The following CNTNAP2 variants were observed in gnomAD, a reference collection of about 807,000 sequenced individuals.
CNTNAP2 encodes the protein contactin associated protein 2, also known as contactin-associated protein-like 2.
A neutral mutation model predicts 155.2 loss-of-function variants in CNTNAP2; 98 were observed. The observed-to-expected ratio is 0.63, with a 90% CI of 0.54 to 0.75. The LOEUF (loss-of-function observed/expected upper bound fraction) is 0.75. CNTNAP2 is among the 30% of genes least tolerant of loss of function. The probability of loss-of-function intolerance (pLI) is 0.00; values close to 1 mark genes in which losing one functional copy is unlikely to be tolerated. For missense variants in CNTNAP2, 1,727 were observed against 1,688.1 expected, an observed-to-expected ratio of 1.02 and a Z score of -0.40; for synonymous variants, 651 against 631.2, an observed-to-expected ratio of 1.03 and a Z score of -0.47.
At chr7:146,433,482 G>C (rs542782146) in intron 1 of CNTNAP2, among the ~76,000 whole-genome samples, 1 of 152,128 alleles carries the variant, frequency 6.6e-6, no homozygotes, top group South Asian at 2.1e-4. Context: ...ATTGACAAAG[G>C]CTTCTCTTTA....
At chr7:146,862,327 C>G (rs1272962449) in intron 3 of CNTNAP2, among the ~76,000 whole-genome samples, 1 of 152,064 alleles carries the variant, frequency 6.6e-6, no homozygotes. Context: ...TTGGACCTTT[C>G]TTAATGACAA....
At chr7:147,358,923 C>T (rs1403227089) in intron 9 of CNTNAP2, among the ~76,000 whole-genome samples, 1 of 152,094 alleles carries the variant, frequency 6.6e-6, no homozygotes, top group East Asian at 1.9e-4. Context: ...CAAGTCAAAA[C>T]CGGCCTGCAG....
intron 8 of CNTNAP2, among the ~76,000 whole-genome samples, chr7:147,249,330 T>A (rs961109734): frequency 6.6e-6 from 1 of 152,130 alleles, no homozygotes; most frequent in African/African-American, 2.4e-5. Flanking sequence ...AGATTTAAAC[T>A]AAATTTGTGT....
At chr7:147,982,603 T>C (rs1354676513) in intron 15 of CNTNAP2, among the ~76,000 whole-genome samples, 1 of 152,208 alleles carries the variant, frequency 6.6e-6, no homozygotes, top group Admixed American at 6.5e-5. Flanking sequence ...TTCATCAAGA[T>C]GATGGTGAAT....
At chr7:146,735,225 C>A (rs927224392) in intron 1 of CNTNAP2, among the ~76,000 whole-genome samples, 4 of 152,016 alleles carry the variant, frequency 2.6e-5, no homozygotes, top group Admixed American at 2.6e-4. Context: ...TACCAGAAAA[C>A]CAGTCAATAT....
chr7:147,647,008 A>C (rs1795376065), intron 13 of CNTNAP2, among the ~76,000 whole-genome samples: 1 of 151,102 alleles, frequency 6.6e-6, no homozygotes, highest in African/African-American at 2.4e-5. Flanking sequence ...TTGAGACGGA[A>C]TCTCACTCTG....
At chr7:147,080,712 A>AAT (rs1486537553) in intron 4 of CNTNAP2, among the ~76,000 whole-genome samples, 7 of 147,994 alleles carry the variant, frequency 4.7e-5, no homozygotes, top group Non-Finnish European at 8.9e-5. Flanking sequence ...AATATATATA[A>AAT]ATATATATAT....
At chr7:147,295,972 G>GA (rs1451246545) in intron 8 of CNTNAP2, among the ~76,000 whole-genome samples, 20 of 152,212 alleles carry the variant, frequency 1.3e-4, no homozygotes, top group African/African-American at 4.1e-4. Flanking sequence ...ATTTTAATCT[G>GA]ATTAGAATAA....
intron 17 of CNTNAP2, among the ~76,000 whole-genome samples, chr7:148,152,411 T>A (rs1805313272): frequency 6.6e-6 from 1 of 151,852 alleles, no homozygotes. Flanking sequence ...GAGTTCTGCG[T>A]CCCAAGTCTG....
At chr7:147,538,650 T>C (rs1341667325) in intron 11 of CNTNAP2, among the ~76,000 whole-genome samples, 1 of 151,152 alleles carries the variant, frequency 6.6e-6, no homozygotes, top group African/African-American at 2.4e-5. Flanking sequence ...ATTATATATA[T>C]AAAAAAAAAT....
At position 146,934,155 on chromosome 7, in the gene CNTNAP2, G is replaced by A. The variant is rs762927481; in HGVS notation, c.402+94251G>A. ...ACACATGCACACGTATGTTTATTGC[G>A]GCACTATTCACAATAGCAAAGACTT... On this transcript the variant is annotated intron_variant, in intron 3 of 23. Coordinates refer to ENST00000361727, the MANE Select transcript of CNTNAP2 (RefSeq NM_014141.6). Among the ~76,000 whole-genome samples the A allele has an allele frequency of 1.3e-3, 190 of 151,746 alleles. 2 individuals are homozygous for A. In the South Asian group the frequency reaches 0.022, roughly 18 times the overall value.
chr7:148,063,390 T>A (rs1803194171), intron 15 of CNTNAP2, among the ~76,000 whole-genome samples: 1 of 152,066 alleles, frequency 6.6e-6, no homozygotes, highest in African/African-American at 2.4e-5. Flanking sequence ...ATTCCCATTA[T>A]ACATATTGTA....
At chr7:148,109,054 A>G (rs2116594060) in intron 15 of CNTNAP2, among the ~76,000 whole-genome samples, 1 of 152,308 alleles carries the variant, frequency 6.6e-6, no homozygotes, top group East Asian at 1.9e-4. Flanking sequence ...TACTGTTCAC[A>G]CATTGAAGGA....
chr7:146,234,185 G>T (rs1799433099), intron 1 of CNTNAP2, among the ~76,000 whole-genome samples: 1 of 151,560 alleles, frequency 6.6e-6, no homozygotes, highest in Non-Finnish European at 1.5e-5. Context: ...GTATCTCATT[G>T]TGGTTTTGAT....
At chr7:146,130,513 T>A (rs187400463) in intron 1 of CNTNAP2, among the ~76,000 whole-genome samples, 1 of 152,346 alleles carries the variant, frequency 6.6e-6, no homozygotes, top group East Asian at 1.9e-4. Context: ...GTATTAAAGT[T>A]TGTGATAATT....
chr7:148,115,100 G>A (rs17170840), intron 15 of CNTNAP2, among the ~76,000 whole-genome samples: 19,191 of 152,252 alleles, frequency 0.13, 1,665 homozygotes, highest in East Asian at 0.4. Context: ...TGACTTCCCC[G>A]TGAATGAGTC....
chr7:146,607,382 T>C (rs1799065697), intron 1 of CNTNAP2, among the ~76,000 whole-genome samples: 1 of 152,150 alleles, frequency 6.6e-6, no homozygotes, highest in Non-Finnish European at 1.5e-5. Context: ...TTGCTTCCAC[T>C]TCACACACGA....
At chr7:148,238,178 A>T (rs1367289366) in intron 20 of CNTNAP2, among the ~76,000 whole-genome samples, 2 of 152,104 alleles carry the variant, frequency 1.3e-5, no homozygotes, top group African/African-American at 4.8e-5. Flanking sequence ...GTGAAACCCC[A>T]TCTCTACTAA....
chr7:147,061,991 G>T (rs1167957650), intron 4 of CNTNAP2, among the ~76,000 whole-genome samples: 1 of 151,490 alleles, frequency 6.6e-6, no homozygotes, highest in African/African-American at 2.4e-5. Flanking sequence ...AGCCAGGCGT[G>T]GTGGCGGGCG....
Sources: allele counts gnomAD v4.1 joint callset (sites outside exome capture counted in the v4.1 genomes callset), GRCh38; gene constraint gnomAD v4.1.1; transcripts MANE v1.5; gene names NCBI Gene and HGNC (gene_info 2026-07-23, HGNC 2026-07-21).